Variants in DRD2 observed in about 807,000 individuals in gnomAD.
DRD2 encodes dopamine receptor D2.
A neutral mutation model predicts 38.0 loss-of-function variants in DRD2; 8 were observed. The observed-to-expected ratio is 0.21, with a 90% CI of 0.12 to 0.38. DRD2 has a LOEUF of 0.38. Among genes scored for constraint, DRD2 ranks in the 10% least tolerant of loss-of-function variants. The probability of loss-of-function intolerance (pLI) is 1.00; values close to 1 mark genes in which losing one functional copy is unlikely to be tolerated. For missense variants in DRD2, 403 were observed against 607.7 expected (o/e 0.66, Z 3.54); for synonymous variants, 230 against 238.6 (o/e 0.96, Z 0.33).
At chr11:113,443,164 G>A (rs913661116) in intron 1 of DRD2, among the ~76,000 whole-genome samples, 22 of 152,086 alleles carry the variant, frequency 1.4e-4, no homozygotes, top group African/African-American at 5.3e-4. Context: ...GAGGCTCAGT[G>A]GTCTCAGCCT....
At chr11:113,424,999 G>A (rs996883460) in intron 1 of DRD2, 2 of 353,906 alleles carry the variant, frequency 5.7e-6, no homozygotes. Context: ...ACACACTTCA[G>A]TTAACCAGGC....
intron 7 of DRD2, 95 bp from the exon 8 acceptor site, chr11:113,411,015 C>A (rs1056373509): frequency 2.2e-6 from 3 of 1,373,404 alleles, no homozygotes; most frequent in Non-Finnish European, 3.0e-6. Context: ...TATGCCAAGA[C>A]GGTGGGCTGT....
At chr11:113,474,873 G>A (rs1951465230) in intron 1 of DRD2, among the ~76,000 whole-genome samples, 1 of 152,110 alleles carries the variant, frequency 6.6e-6, no homozygotes, top group Non-Finnish European at 1.5e-5. Context: ...GAGGGAGAGG[G>A]GATAGCAGCC....
intron 2 of DRD2, among the ~76,000 whole-genome samples, chr11:113,422,337 T>C (rs1950893949): frequency 6.6e-6 from 1 of 152,238 alleles, no homozygotes; most frequent in African/African-American, 2.4e-5. Context: ...TCACTTTTCA[T>C]ACATCAACTA....
chr11:113,467,070 GCTGACATCCT>G (rs1326072323), intron 1 of DRD2, among the ~76,000 whole-genome samples: 1 of 152,110 alleles, frequency 6.6e-6, no homozygotes, highest in African/African-American at 2.4e-5. Context: ...GGGAGGCGGT[GCTGACATCCT>G]CTGCCTGGGA....
intron 1 of DRD2, chr11:113,450,147 T>C (rs543727191): frequency 6.5e-6 from 1 of 154,284 alleles, no homozygotes; most frequent in Non-Finnish European, 1.5e-5. Context: ...GAAACAATAT[T>C]TCAAAAGAAG....
chr11:113,431,899 C>T (rs1005610328), intron 1 of DRD2, among the ~76,000 whole-genome samples: 1 of 152,226 alleles, frequency 6.6e-6, no homozygotes, highest in African/African-American at 2.4e-5. Context: ...AGCTAGCCCA[C>T]CCAGGCTGCC....
At chr11:113,438,365 A>G (rs1244284717) in intron 1 of DRD2, among the ~76,000 whole-genome samples, 2 of 152,260 alleles carry the variant, frequency 1.3e-5, no homozygotes, top group East Asian at 3.9e-4. Context: ...GAAAATGTGA[A>G]TAAAGGGGCC....
chr11:113,465,854 G>T (rs1951364080), intron 1 of DRD2, among the ~76,000 whole-genome samples: 1 of 152,190 alleles, frequency 6.6e-6, no homozygotes, highest in South Asian at 2.1e-4. Context: ...AGCACAGGTT[G>T]GGAAGGGTTC....
chr11:113,458,928 C>T (rs982330148), intron 1 of DRD2, among the ~76,000 whole-genome samples: 4 of 152,110 alleles, frequency 2.6e-5, no homozygotes, highest in African/African-American at 9.7e-5. Context: ...AAATAAGAGG[C>T]AAGCCATCAC....
intron 1 of DRD2, among the ~76,000 whole-genome samples, chr11:113,473,026 G>A (rs1182179658): frequency 6.6e-6 from 1 of 152,166 alleles, no homozygotes; most frequent in Non-Finnish European, 1.5e-5. Context: ...AGGTATAACA[G>A]CAGGAGACAA....
chr11:113,444,150 C>T (rs1486626055), intron 1 of DRD2, among the ~76,000 whole-genome samples: 12 of 152,194 alleles, frequency 7.9e-5, no homozygotes, highest in African/African-American at 2.9e-4. Flanking sequence ...ATTCTACTGC[C>T]TCAGCCTCCA....
Position 113,425,470 on chromosome 11 carries a change from C to A in DRD2, c.-31-788G>T, listed in dbSNP as rs552367477. ...GCAAGGGTTGAGTCTGGGGAGGTTG[C>A]AATAGGCAAGATCATAGAGGGCCTT... On this transcript the variant is annotated intron_variant, in intron 1 of 7. Transcript: ENST00000362072. 4.6e-5 allele frequency among the ~76,000 whole-genome samples: 7 copies of A among 152,230 alleles called. No individual in the cohort carries two copies. The South Asian group carries it at 8.3e-4, about 18-fold the overall frequency.
In DRD2 at chr11:113,475,138, G is replaced by C. The variant is rs957030536; in HGVS notation, c.-94C>G. On this transcript the variant is annotated 5_prime_UTR_variant, in exon 1 of 8. Transcript: ENST00000362072. ...CGGCTGCTTGAGGCTTCCAGCTCCC[G>C]CCGCATCCACGCGCGGCCGCCCCTC... 4 of 151,408 alleles carry C rather than the reference G, an allele frequency of 2.6e-5. No homozygotes were observed. The highest frequency in any genetic ancestry group is 2.0e-4 in the Admixed American group (3 of 15,238). The allele number at this position is 151,408 out of a possible 1,614,324, so 9.4% of individuals were successfully genotyped here. A position where few individuals can be genotyped will look rare whatever the true frequency, so the allele number is the denominator to read the frequency against.
At chr11:113,431,692 G>A (rs1950989234) in intron 1 of DRD2, among the ~76,000 whole-genome samples, 1 of 152,240 alleles carries the variant, frequency 6.6e-6, no homozygotes, top group Non-Finnish European at 1.5e-5. Context: ...TCCCCAATCA[G>A]AGGTCTAGAA....
chr11:113,441,713 G>T (rs571688184), intron 1 of DRD2, among the ~76,000 whole-genome samples: 31 of 152,214 alleles, frequency 2.0e-4, no homozygotes, highest in African/African-American at 6.7e-4. Context: ...GCTACACCTT[G>T]GTGGCTCACG....
chr11:113,474,489 A>G (rs1951459625), intron 1 of DRD2: 1 of 152,256 alleles, frequency 6.6e-6, no homozygotes, highest in Non-Finnish European at 1.5e-5. Context: ...AAGGCGAAGG[A>G]GAACGAAAGT....
chr11:113,432,718 C>A (rs959959722), intron 1 of DRD2, among the ~76,000 whole-genome samples: 1 of 145,504 alleles, frequency 6.9e-6, no homozygotes, highest in Middle Eastern at 3.4e-3. Context: ...TAAGAGGTTC[C>A]TTTCCAGGAC....
intron 1 of DRD2, among the ~76,000 whole-genome samples, chr11:113,426,298 G>A (rs1950941243): frequency 6.6e-6 from 1 of 152,120 alleles, no homozygotes; most frequent in African/African-American, 2.4e-5. Flanking sequence ...AAAGGGACCA[G>A]AGGGGCTCAG....
Sources: allele counts gnomAD v4.1 joint callset (sites outside exome capture counted in the v4.1 genomes callset), GRCh38; gene constraint gnomAD v4.1.1; transcripts MANE v1.5; gene names NCBI Gene and HGNC (gene_info 2026-07-23, HGNC 2026-07-21).